The following AP4S1 variants were observed in gnomAD, a reference collection of about 807,000 sequenced individuals.
AP4S1 encodes the protein AP-4 complex subunit sigma-1.
In AP4S1, 23 loss-of-function variants were observed where a neutral mutation model predicts 19.8. The observed-to-expected ratio is 1.16, with a 90% CI of 0.84 to 1.65. The LOEUF is 1.65. Ranked by LOEUF, AP4S1 falls within the 40% of genes most tolerant of loss-of-function variation. The pLI is 0.00. For missense variants in AP4S1, 166 were observed against 172.8 expected, an observed-to-expected ratio of 0.96 and a Z score of 0.22; for synonymous variants, 46 against 54.1, an observed-to-expected ratio of 0.85 and a Z score of 0.66.
chr14:31,028,611 A>G (rs1001180496), intron 1 of AP4S1, among the ~76,000 whole-genome samples: 2 of 151,788 alleles, frequency 1.3e-5, no homozygotes, highest in African/African-American at 4.8e-5. Context: ...ACACACACAC[A>G]CACACACAGA....
chr14:31,070,745 T>C (rs1001419814), intron 3 of AP4S1, among the ~76,000 whole-genome samples: 3 of 152,204 alleles, frequency 2.0e-5, no homozygotes, highest in Non-Finnish European at 4.4e-5. Context: ...AGAGGCCGAC[T>C]GATTTTGGCA....
At chr14:31,085,308 G>C in intron 5 of AP4S1, 1 of 998,800 alleles carries the variant, frequency 1.0e-6, no homozygotes, top group African/African-American at 1.7e-5. Context: ...CAAGACTAGG[G>C]GCAGGAATGA....
intron 1 of AP4S1, chr14:31,026,031 G>A (rs1883874673): frequency 1.3e-6 from 2 of 1,537,546 alleles, no homozygotes; most frequent in Admixed American, 2.0e-5. Flanking sequence ...GGGGCCTGCC[G>A]CGGGACCCGC....
chr14:31,053,331 G>C (rs922207154), intron 1 of AP4S1, among the ~76,000 whole-genome samples: 1 of 152,136 alleles, frequency 6.6e-6, no homozygotes, highest in Non-Finnish European at 1.5e-5. Flanking sequence ...CCAGTTGACA[G>C]TGCAAGGGCT....
chr14:31,039,006 T>A (rs902864198), intron 1 of AP4S1, among the ~76,000 whole-genome samples: 7 of 133,952 alleles, frequency 5.2e-5, no homozygotes, highest in African/African-American at 1.6e-4. Flanking sequence ...TTTTTTTTTT[T>A]ATTGTTTGCT....
In AP4S1 at chr14:31,025,895, AC is replaced by A. The variant is rs554873145; in HGVS notation, c.-72+109del. The A allele has an allele frequency of 8.5e-5, 136 of 1,597,844 alleles. 1 individual carries two copies. The South Asian group carries it at 1.4e-3, about 17-fold the overall frequency. ...CCGCAGCTCCCGCACACCGACCCCA[AC>A]GAGGTACCTGCAGTTCGGCCCGTTC... is the stretch of plus-strand genomic sequence containing the variant. On this transcript the variant is annotated intron_variant, in intron 1 of 5. Transcript: ENST00000542754.
Position 31,072,953 on chromosome 14 carries a change from G to C in AP4S1, c.274G>C (p.Asp92His). Residue 92 changes from aspartate (D) to histidine (H), a missense_variant, in exon 4 of 6, where the codon GAT becomes CAT. By Grantham distance (81) the Asp-to-His change is moderately conservative. Coordinates refer to ENST00000542754, the MANE Select transcript of AP4S1 (RefSeq NM_001128126.3). ...CATTCATAACTTTGTGGAAGTTTTA[G>C]ATGAGTATTTCAGCCGAGTGGTAAG... ...EFIHNFVEVLDEYFSRVSELD... is the reference protein window; with the variant it reads ...EFIHNFVEVLHEYFSRVSELD... 1 of 1,613,970 alleles carries C rather than the reference G, an allele frequency of 6.2e-7. No homozygotes were observed. Among genetic ancestry groups the C allele is most frequent in the Non-Finnish European group, 8.5e-7 (1 of 1,179,878 alleles).
intron 1 of AP4S1, among the ~76,000 whole-genome samples, chr14:31,032,407 A>G (rs986817016): frequency 1.3e-5 from 2 of 152,162 alleles, no homozygotes. Flanking sequence ...ATAAATCAGA[A>G]GTAGATAAAA....
chr14:31,049,431 ATATATATATATATAT>A (rs1566520599), intron 1 of AP4S1, among the ~76,000 whole-genome samples: 888 of 44,074 alleles, frequency 0.02, 52 homozygotes, highest in African/African-American at 0.081. Flanking sequence ...AAAAAAAAAT[ATATATATATATATAT>A]ATATATATAT....
At chr14:31,050,588 G>A (rs978383238) in intron 1 of AP4S1, among the ~76,000 whole-genome samples, 1 of 152,142 alleles carries the variant, frequency 6.6e-6, no homozygotes, top group African/African-American at 2.4e-5. Flanking sequence ...GGGATTACAG[G>A]TTTGAGTATT....
At chr14:31,051,078 G>C (rs939424393) in intron 1 of AP4S1, among the ~76,000 whole-genome samples, 5 of 151,748 alleles carry the variant, frequency 3.3e-5, no homozygotes, top group Non-Finnish European at 7.4e-5. Context: ...AACAAAGCAA[G>C]ACCCCATCTC....
intron 1 of AP4S1, among the ~76,000 whole-genome samples, chr14:31,027,530 C>T (rs549795192): frequency 9.9e-5 from 15 of 152,180 alleles, no homozygotes; most frequent in African/African-American, 3.6e-4. Context: ...GGCATGGTGG[C>T]GCACACCTGT....
chr14:31,043,207 C>T (rs1284079776), intron 1 of AP4S1, among the ~76,000 whole-genome samples: 2 of 146,636 alleles, frequency 1.4e-5, no homozygotes, highest in Admixed American at 6.9e-5. Context: ...GGTGACAGAG[C>T]GAGACTCTTT....
intron 4 of AP4S1, among the ~76,000 whole-genome samples, chr14:31,074,785 C>A (rs887437195): frequency 1.3e-5 from 2 of 151,858 alleles, no homozygotes; most frequent in African/African-American, 4.8e-5. Flanking sequence ...AATTTCATCA[C>A]CTGACAAAGA....
At chr14:31,086,869 T>A (rs1752130488) in intron 5 of AP4S1, among the ~76,000 whole-genome samples, 1 of 151,932 alleles carries the variant, frequency 6.6e-6, no homozygotes, top group Non-Finnish European at 1.5e-5. Context: ...TGTAAAAAAA[T>A]TTTTTTACAG....
chr14:31,093,256 A>T lies in AP4S1; in HGVS notation c.*221A>T. The T allele has an allele frequency of 2.6e-6, 1 of 383,676 alleles. No homozygotes were observed. Among genetic ancestry groups the T allele is most frequent in the Non-Finnish European group, 4.6e-6 (1 of 219,302 alleles). The allele number at this position is 383,676 out of a possible 1,614,324, so 23.8% of individuals were successfully genotyped here. ...AAAAATTTCTTTAAACTGAGAGAGA[A>T]GTTTTATTTTCTAATTGTAAACATA... On this transcript the variant is annotated 3_prime_UTR_variant, in exon 6 of 6. Transcript: ENST00000542754.
chr14:31,058,250 A>T (rs990538246), intron 1 of AP4S1, among the ~76,000 whole-genome samples: 1 of 152,012 alleles, frequency 6.6e-6, no homozygotes, highest in Non-Finnish European at 1.5e-5. Context: ...CTCTGAATCT[A>T]CCAGTCTCAC....
intron 1 of AP4S1, among the ~76,000 whole-genome samples, chr14:31,047,308 T>A (rs759224119): frequency 6.6e-6 from 1 of 152,060 alleles, no homozygotes. Flanking sequence ...CTTAATAGTG[T>A]CTTACGTGGG....
intron 3 of AP4S1, among the ~76,000 whole-genome samples, chr14:31,070,911 G>A (rs550044609): frequency 1.3e-5 from 2 of 152,210 alleles, no homozygotes; most frequent in African/African-American, 4.8e-5. Flanking sequence ...AATTAGCTGG[G>A]CGTGGTGGCG....
Sources: allele counts gnomAD v4.1 joint callset (sites outside exome capture counted in the v4.1 genomes callset), GRCh38; gene constraint gnomAD v4.1.1; transcripts MANE v1.5; gene names NCBI Gene and HGNC (gene_info 2026-07-23, HGNC 2026-07-21).